The following EFHC2 variants were observed in gnomAD, a reference collection of about 807,000 sequenced individuals.
EFHC2 encodes the protein EF-hand domain-containing family member C2.
Under a neutral mutation model 52.7 loss-of-function variants are expected in EFHC2, and 18 were observed. The observed-to-expected ratio is 0.34, with a 90% CI of 0.24 to 0.51. EFHC2 has a LOEUF of 0.51. Ranked by LOEUF, EFHC2 falls within the 20% of genes least tolerant of loss-of-function variation. The pLI is 0.97. For synonymous variants in EFHC2, 203 were observed against 204.1 expected, an observed-to-expected ratio of 0.99 and a Z score of 0.04; for missense variants, 513 against 562.5, an observed-to-expected ratio of 0.91 and a Z score of 0.89.
chrX:44,292,517 G>A (rs940093103), intron 2 of EFHC2, among the ~76,000 whole-genome samples: 3 of 111,851 alleles, frequency 2.7e-5, no homozygotes, highest in African/African-American at 9.8e-5. Context: ...CACTCATATG[G>A]ACAATCTGTG....
At chrX:44,326,527 A>C (rs955036663) in intron 1 of EFHC2, among the ~76,000 whole-genome samples, 4 of 110,173 alleles carry the variant, frequency 3.6e-5, no homozygotes, top group Non-Finnish European at 3.8e-5. Context: ...AAAACCCAAC[A>C]GAAAAATGGG....
At chrX:44,332,864 C>A (rs1250748274) in intron 1 of EFHC2, among the ~76,000 whole-genome samples, 1 of 111,681 alleles carries the variant, frequency 9.0e-6, no homozygotes, top group Non-Finnish European at 1.9e-5. Flanking sequence ...ACCATGTATC[C>A]CGAGAGACTT....
chrX:44,278,805 A>G (rs924075645), intron 2 of EFHC2, among the ~76,000 whole-genome samples: 2 of 112,196 alleles, frequency 1.8e-5, no homozygotes, highest in African/African-American at 6.5e-5. Context: ...ACAGTTCTAC[A>G]TGACTGTCCA....
intron 3 of EFHC2, among the ~76,000 whole-genome samples, chrX:44,270,835 T>A (rs771421449): frequency 9.0e-6 from 1 of 110,585 alleles, no homozygotes; most frequent in East Asian, 2.9e-4. Context: ...TCCCTGCATC[T>A]CCCCAACAGA....
chrX:44,169,527 C>T (rs924843434), intron 13 of EFHC2, among the ~76,000 whole-genome samples: 24 of 111,036 alleles, frequency 2.2e-4, no homozygotes, highest in Non-Finnish European at 3.6e-4. Context: ...TCTCCTGCCT[C>T]GGCCTCCCAA....
chrX:44,263,654 A>C (rs1176247541), intron 3 of EFHC2, among the ~76,000 whole-genome samples: 1 of 112,363 alleles, frequency 8.9e-6, no homozygotes, highest in Non-Finnish European at 1.9e-5. Flanking sequence ...TAATCATTCA[A>C]GATTAGACAT....
At chrX:44,172,659 G>A (rs2036755255) in intron 13 of EFHC2, among the ~76,000 whole-genome samples, 1 of 112,407 alleles carries the variant, frequency 8.9e-6, no homozygotes, top group Non-Finnish European at 1.9e-5. Flanking sequence ...ACTTCCATTA[G>A]AGGCTCATCT....
intron 8 of EFHC2, among the ~76,000 whole-genome samples, chrX:44,241,253 C>G (rs1289395511): frequency 8.9e-6 from 1 of 111,910 alleles, no homozygotes; most frequent in Admixed American, 9.5e-5. Context: ...CCAGGGCCTG[C>G]TCTCCCTGCA....
chrX:44,195,516 T>C (rs568085348), intron 11 of EFHC2, among the ~76,000 whole-genome samples: 2 of 111,587 alleles, frequency 1.8e-5, no homozygotes, highest in South Asian at 3.8e-4. Context: ...CAATTGATTA[T>C]TGATGTACTC....
chrX:44,248,671 T>C (rs1251499583), intron 6 of EFHC2, 132 bp downstream of exon 6: 2 of 549,806 alleles, frequency 3.6e-6, no homozygotes, highest in African/African-American at 4.6e-5. Context: ...TAAATAGCAG[T>C]ACAATGCATA....
chrX:44,321,666 T>C (rs777088168), intron 1 of EFHC2, among the ~76,000 whole-genome samples: 3 of 111,630 alleles, frequency 2.7e-5, no homozygotes, highest in African/African-American at 9.8e-5. Context: ...AACACGTGAC[T>C]AACTGTGTTA....
rs751171517 is a variant in EFHC2 at position 44,179,829 on chromosome X, C to T, written c.1752-1265G>A. Among the ~76,000 whole-genome samples the T allele has an allele frequency of 5.4e-5, 6 of 112,127 alleles. No individual in the cohort carries two copies. In the South Asian group the frequency reaches 2.2e-3, roughly 42 times the overall value. On this transcript the variant is annotated intron_variant, in intron 11 of 14. Transcript: ENST00000420999. ...TTTCAGAATCTGTTATCTATTTGCA[C>T]TGTCCAAGCATATAGATGATCTTTC... is the stretch of plus-strand genomic sequence containing the variant.
intron 2 of EFHC2, among the ~76,000 whole-genome samples, chrX:44,278,651 G>A (rs1450788799): frequency 1.8e-5 from 2 of 110,955 alleles, no homozygotes; most frequent in East Asian, 2.9e-4. Flanking sequence ...CTATAGACTC[G>A]CATGTGACAG....
At chrX:44,329,238 C>A (rs5905793) in intron 1 of EFHC2, among the ~76,000 whole-genome samples, 1 of 109,866 alleles carries the variant, frequency 9.1e-6, no homozygotes, top group Admixed American at 9.7e-5. Flanking sequence ...TATTAACTGA[C>A]CTAAAGAGTA....
At chrX:44,234,846 A>G (rs1032789259) in intron 9 of EFHC2, among the ~76,000 whole-genome samples, 5 of 111,937 alleles carry the variant, frequency 4.5e-5, no homozygotes, top group Non-Finnish European at 7.5e-5. Flanking sequence ...CAGAAGGACC[A>G]GATAAAGATG....
At chrX:44,236,503 C>A (rs1251020592) in intron 8 of EFHC2, among the ~76,000 whole-genome samples, 1 of 112,605 alleles carries the variant, frequency 8.9e-6, no homozygotes. Flanking sequence ...GAAAATCATT[C>A]TTTCCTTGTG....
chrX:44,261,287 G>A lies in EFHC2; in HGVS notation c.394C>T (p.Arg132Trp), dbSNP rs147365479. 1.1e-4 allele frequency: 132 copies of A among 1,182,745 alleles called. No homozygotes were observed. The East Asian group carries it at 3.0e-3, about 27-fold the overall frequency. The change falls in exon 4 of 15, where the codon CGG becomes TGG. Residue 132 changes from arginine to tryptophan, a missense_variant. Coordinates refer to ENST00000420999, the MANE Select transcript of EFHC2 (RefSeq NM_025184.4). ...GGCGGAAGAGTAATCCGATGACGCC[G>A]GATAGAAGTCCCTATGGCATGAAAG... is the stretch of plus-strand genomic sequence containing the variant. ...NSGLLQGTSI[R>W]RHRITLPPPD...
At chrX:44,192,930 T>C (rs1292822598) in intron 11 of EFHC2, among the ~76,000 whole-genome samples, 3 of 110,698 alleles carry the variant, frequency 2.7e-5, no homozygotes, top group Non-Finnish European at 5.7e-5. Context: ...ACCCCTCCTC[T>C]CAACCAAGGG....
chrX:44,314,909 A>G (rs1230896092), intron 1 of EFHC2, among the ~76,000 whole-genome samples: 1 of 110,988 alleles, frequency 9.0e-6, no homozygotes, highest in Non-Finnish European at 1.9e-5. Flanking sequence ...AAAAACCCAC[A>G]ATCTTGCGGA....
Sources: gnomAD v4.1 joint callset for allele counts (sites outside exome capture counted in the v4.1 genomes callset) on GRCh38, gnomAD v4.1.1 for gene constraint, MANE v1.5 for transcripts, NCBI Gene and HGNC (gene_info 2026-07-23, HGNC 2026-07-21) for gene names.